The following MRPL15 variants were observed in gnomAD, a reference collection of about 807,000 sequenced individuals.
MRPL15 encodes mitochondrial ribosomal protein L15, also known as large ribosomal subunit protein uL15m.
A neutral mutation model predicts 28.0 loss-of-function variants in MRPL15; 24 were observed. The ratio of observed to expected loss-of-function variants is 0.86; its 90% CI spans 0.62 to 1.21. The LOEUF (loss-of-function observed/expected upper bound fraction) is 1.21. MRPL15 is among the 50% of genes most tolerant of loss of function. The pLI, the probability that MRPL15 is intolerant of heterozygous loss-of-function variation, is 0.00. For synonymous variants in MRPL15, 124 were observed against 137.0 expected, an observed-to-expected ratio of 0.90 and a Z score of 0.66; for missense variants, 343 against 372.4, an observed-to-expected ratio of 0.92 and a Z score of 0.65.
chr8:54,147,659 G>A lies in MRPL15; in HGVS notation c.831G>A (p.Met277Ile). The change falls in exon 5 of 5, where the codon ATG (methionine) becomes ATA (isoleucine). Residue 277 changes from methionine to isoleucine, a missense_variant. Coordinates refer to ENST00000260102, the MANE Select transcript of MRPL15 (RefSeq NM_014175.4). Reference protein sequence around the residue: ...FGLAPGWVVNMADKKILKPTD... With the variant: ...FGLAPGWVVNIADKKILKPTD... Reference sequence around the variant, plus strand: ...TTGCTCCAGGATGGGTGGTGAATATGGCCGATAAGAAAATCCTAAAACCTA... The same window carrying A: ...TTGCTCCAGGATGGGTGGTGAATATAGCCGATAAGAAAATCCTAAAACCTA... 6.2e-7 allele frequency: 1 copy of A among 1,614,048 alleles called. No individual in the cohort carries two copies. Among genetic ancestry groups the A allele is most frequent in the Non-Finnish European group, 8.5e-7 (1 of 1,179,998 alleles).
Position 54,142,763 on chromosome 8 carries a change from C to T in MRPL15, c.530C>T (p.Ala177Val). ...IEKNGGVVTT[A>V]FYDPRSLDIV... is the part of the protein sequence containing the mutation. Reference sequence around the variant, plus strand: ...AAAAATGGTGGTGTTGTTACTACAGCCTTCTATGATCCAAGAAGTCTGGGT... The same window carrying T: ...AAAAATGGTGGTGTTGTTACTACAGTCTTCTATGATCCAAGAAGTCTGGGT... The change falls in exon 4 of 5, where the codon GCC (alanine) becomes GTC (valine). Residue 177 changes from alanine to valine, a missense_variant. Ala to Val is a moderately conservative substitution (Grantham distance 64, BLOSUM62 0). Transcript: ENST00000260102. 2.5e-6 allele frequency: 4 copies of T among 1,614,102 alleles called. No individual in the cohort carries two copies. Among genetic ancestry groups the T allele is most frequent in the Non-Finnish European group, 3.4e-6 (4 of 1,179,970 alleles).
chr8:54,136,437 C>CA, intron 1 of MRPL15, 74 bp from the exon 2 acceptor site: 1 of 1,514,774 alleles, frequency 6.6e-7, no homozygotes. Flanking sequence ...AACAGCATAA[C>CA]AAAAAGTGAA....
intron 3 of MRPL15, among the ~76,000 whole-genome samples, chr8:54,139,205 G>T (rs1402995795): frequency 2.0e-5 from 3 of 152,102 alleles, no homozygotes; most frequent in African/African-American, 7.2e-5. Context: ...CACCGTGTTG[G>T]TTAGGCTGGT....
At position 54,147,929 on chromosome 8, in the gene MRPL15, G is replaced by C; in HGVS notation, c.*210G>C. On this transcript the variant is annotated 3_prime_UTR_variant, in exon 5 of 5. Coordinates refer to ENST00000260102, the MANE Select transcript of MRPL15 (RefSeq NM_014175.4). ...GAGTCTGTGTGGGTTCTGTCTCAAA[G>C]ATACAAACTCCCTGATAGTCTATGG... 1 of 497,076 alleles carries C rather than the reference G, an allele frequency of 2.0e-6. No homozygotes were observed. Among genetic ancestry groups the C allele is most frequent in the Non-Finnish European group, 3.5e-6 (1 of 283,438 alleles). 30.8% of individuals were successfully genotyped at this position (497,076 alleles called of 1,614,324 possible). A position where few individuals can be genotyped will look rare whatever the true frequency, so the allele number is the denominator to read the frequency against.
At chr8:54,135,570 CTTTTTTT>C (rs537299219) in intron 1 of MRPL15, among the ~76,000 whole-genome samples, 179 bp downstream of exon 1, 48 of 116,908 alleles carry the variant, frequency 4.1e-4, no homozygotes, top group African/African-American at 1.0e-3. Flanking sequence ...GCACCCAGTT[CTTTTTTT>C]TTTTTTTTTT....
At chr8:54,138,272 C>T (rs1433969800) in intron 3 of MRPL15, among the ~76,000 whole-genome samples, 2 of 127,658 alleles carry the variant, frequency 1.6e-5, no homozygotes, top group African/African-American at 2.9e-5. Context: ...TTTTGGTTCT[C>T]TGCTTGAATG....
intron 2 of MRPL15, 24 bp downstream of exon 2, chr8:54,136,689 G>A (rs1483931702): frequency 6.3e-7 from 1 of 1,580,324 alleles, no homozygotes; most frequent in East Asian, 2.3e-5. Flanking sequence ...GCTTTTTAAA[G>A]TACAGGTCCC....
rs758071360 is a variant in MRPL15, at chr8:54,142,795, G to T, written c.553+9G>T. On this transcript the variant is annotated intron_variant, in intron 4 of 4. Transcript: ENST00000260102. ...TGATCCAAGAAGTCTGGGTAAGTTTGTTCCACGGTCATTTTCTTCTTTCTC... is the reference window on the plus strand; with the variant it reads ...TGATCCAAGAAGTCTGGGTAAGTTTTTTCCACGGTCATTTTCTTCTTTCTC... 6.2e-7 allele frequency: 1 copy of T among 1,611,206 alleles called. No homozygotes were observed. Among genetic ancestry groups the T allele is most frequent in the Non-Finnish European group, 8.5e-7 (1 of 1,179,306 alleles).
chr8:54,147,392 C>CA lies in MRPL15; in HGVS notation c.567dup (p.Pro190ThrfsTer27). The CA allele has an allele frequency of 6.2e-7, 1 of 1,606,654 alleles. No individual in the cohort carries two copies. Among genetic ancestry groups the CA allele is most frequent in the Non-Finnish European group, 8.5e-7 (1 of 1,175,718 alleles). ...TAAATTTTCTTTTAGACATTGTATG[C>CA]AAACCTGTTCCATTCTTTCTTCGTG... is the stretch of plus-strand genomic sequence containing the variant. On this transcript the variant is annotated frameshift_variant, in exon 5 of 5. Coordinates refer to ENST00000260102, the MANE Select transcript of MRPL15 (RefSeq NM_014175.4). LOFTEE classifies it high-confidence loss of function.
In MRPL15 at chr8:54,136,405, G is replaced by A. The variant is rs561462691; in HGVS notation, c.109-106G>A. On this transcript the variant is annotated intron_variant, in intron 1 of 4. Coordinates refer to ENST00000260102, the MANE Select transcript of MRPL15 (RefSeq NM_014175.4). Reference sequence around the variant, plus strand: ...ATGCTTGACACAATAGTGTTAGCTAGCACTGGTGGGCTGGATGAATGAACA... The same window carrying A: ...ATGCTTGACACAATAGTGTTAGCTAACACTGGTGGGCTGGATGAATGAACA... The A allele has an allele frequency of 2.2e-5, 27 of 1,217,564 alleles. 1 individual carries two copies. In the African/African-American group the frequency reaches 4.1e-4, roughly 18 times the overall value. The allele number at this position is 1,217,564 out of a possible 1,614,324, so 75.4% of individuals were successfully genotyped here.
At chr8:54,145,069 T>G (rs1811020897) in intron 4 of MRPL15, among the ~76,000 whole-genome samples, 1 of 152,224 alleles carries the variant, frequency 6.6e-6, no homozygotes, top group African/African-American at 2.4e-5. Context: ...CTTGATGCTC[T>G]TGTGCGTGGC....
chr8:54,147,307 G>T, intron 4 of MRPL15, 75 bp from the exon 5 acceptor site: 1 of 1,067,952 alleles, frequency 9.4e-7, no homozygotes, highest in Non-Finnish European at 1.3e-6. Context: ...ACATCTCTAT[G>T]TTAGAGTTAC....
At chr8:54,140,164 TCTG>T (rs1198512583) in intron 3 of MRPL15, among the ~76,000 whole-genome samples, 2 of 152,240 alleles carry the variant, frequency 1.3e-5, no homozygotes, top group Non-Finnish European at 2.9e-5. Context: ...TTTATCAGAA[TCTG>T]CTTTGAAATT....
At chr8:54,136,755 G>T in intron 2 of MRPL15, 90 bp downstream of exon 2, 4 of 1,468,694 alleles carry the variant, frequency 2.7e-6, no homozygotes, top group Non-Finnish European at 3.7e-6. Context: ...GGTGGAAATT[G>T]TAAATTCACT....
intron 4 of MRPL15, among the ~76,000 whole-genome samples, chr8:54,144,140 C>T (rs779535433): frequency 3.9e-5 from 6 of 152,192 alleles, no homozygotes; most frequent in Non-Finnish European, 5.9e-5. Flanking sequence ...ATGATGGAGA[C>T]CTTTTGCTAC....
Position 54,137,436 on chromosome 8 carries a change from A to G in MRPL15, c.429+3A>G. The G allele has an allele frequency of 1.2e-6, 2 of 1,613,352 alleles. No homozygotes were observed. Among genetic ancestry groups the G allele is most frequent in the African/African-American group, 1.3e-5 (1 of 74,998 alleles). ...ATGGTGTCCAGCTGGTTGAGGAGGT[A>G]AGTCTTGATTAGATCTTTTGGTGTT... On this transcript the variant is annotated splice_donor_region_variant and intron_variant, in intron 3 of 4. Coordinates refer to ENST00000260102, the MANE Select transcript of MRPL15 (RefSeq NM_014175.4).
chr8:54,145,871 G>T (rs2129240433), intron 4 of MRPL15, among the ~76,000 whole-genome samples: 1 of 152,286 alleles, frequency 6.6e-6, no homozygotes, highest in Admixed American at 6.5e-5. Context: ...AGGTAGGATG[G>T]TTTATCCAGA....
chr8:54,146,217 GA>G (rs1811043834), intron 4 of MRPL15, among the ~76,000 whole-genome samples: 2 of 152,188 alleles, frequency 1.3e-5, no homozygotes, highest in Admixed American at 1.3e-4. Context: ...GAGGCCAAGT[GA>G]AGTGGATCAC....
chr8:54,148,156 C>T lies in MRPL15; in HGVS notation c.*437C>T, dbSNP rs1266012061. On this transcript the variant is annotated 3_prime_UTR_variant, in exon 5 of 5. Transcript: ENST00000260102. ...TGTAGCCTCAGGGAAACACGGCTAC[C>T]CAATGCCAAGATGGTAAACCCTCAA... Among the ~76,000 whole-genome samples, 1 of 152,060 alleles carries T rather than the reference C, an allele frequency of 6.6e-6. No homozygotes were observed. The highest frequency in any genetic ancestry group is 1.5e-5 in the Non-Finnish European group (1 of 68,030).
Sources: allele counts gnomAD v4.1 joint callset (sites outside exome capture counted in the v4.1 genomes callset), GRCh38; gene constraint gnomAD v4.1.1; transcripts MANE v1.5; gene names NCBI Gene and HGNC (gene_info 2026-07-23, HGNC 2026-07-21).